The following ROCK1 variants were observed in gnomAD, a reference collection of about 807,000 sequenced individuals.
ROCK1 encodes rho-associated protein kinase 1.
ROCK1 carries 36 observed loss-of-function variants against 196.8 expected under a neutral mutation model. The ratio of observed to expected loss-of-function variants is 0.18; its 90% CI spans 0.14 to 0.24. The LOEUF (loss-of-function observed/expected upper bound fraction) is 0.24, where lower values mean the gene tolerates loss of function less well. Ranked by LOEUF, ROCK1 falls within the 10% of genes least tolerant of loss-of-function variation. The pLI is 1.00. For synonymous variants in ROCK1, 443 were observed against 515.9 expected, an observed-to-expected ratio of 0.86 and a Z score of 1.91; for missense variants, 920 against 1,562.0, an observed-to-expected ratio of 0.59 and a Z score of 6.93.
At chr18:20,951,837 G>A (rs1037890204) in intron 32 of ROCK1, among the ~76,000 whole-genome samples, 6 of 152,222 alleles carry the variant, frequency 3.9e-5, no homozygotes, top group Non-Finnish European at 8.8e-5. Context: ...CATTGGCAGC[G>A]AGGCAAATCA....
At chr18:20,964,559 T>C (rs1262487735) in intron 27 of ROCK1, among the ~76,000 whole-genome samples, 7 of 152,178 alleles carry the variant, frequency 4.6e-5, no homozygotes, top group Admixed American at 4.6e-4. Flanking sequence ...CTGTTGAGAT[T>C]TTATAAAGTC....
At chr18:21,092,320 G>A (rs1264847831) in intron 1 of ROCK1, among the ~76,000 whole-genome samples, 1 of 152,070 alleles carries the variant, frequency 6.6e-6, no homozygotes, top group African/African-American at 2.4e-5. Flanking sequence ...GCCAGGCACT[G>A]CTTGTAATCC....
chr18:20,970,628 C>T (rs1227649533), intron 22 of ROCK1, 115 bp from the exon 23 acceptor site: 2 of 696,748 alleles, frequency 2.9e-6, no homozygotes, highest in Non-Finnish European at 4.5e-6. Flanking sequence ...TATTTTATTG[C>T]TTAAAATAAA....
rs751539363 is a variant in ROCK1 at position 21,100,586 on chromosome 18, T to TA, written c.93+10231dup. On this transcript the variant is annotated intron_variant, in intron 1 of 32. Coordinates refer to ENST00000399799, the MANE Select transcript of ROCK1 (RefSeq NM_005406.3). The stretch of plus-strand genomic sequence containing the variant: ...TGTGTTTATAATGATGCCAAAAATT[T>TA]AAAAAAAAAAAAAAGACTGAGAGCG... Among the ~76,000 whole-genome samples, 146 of 139,638 alleles carry TA rather than the reference T, an allele frequency of 1.0e-3. 1 individual carries two copies. The highest frequency in any genetic ancestry group is 1.4e-3 in the East Asian group (7 of 4,912). 91.6% of individuals were successfully genotyped at this position (139,638 alleles called of 152,430 possible). A position where few individuals can be genotyped will look rare whatever the true frequency, so the allele number is the denominator to read the frequency against.
At chr18:21,097,675 A>G (rs1248585215) in intron 1 of ROCK1, among the ~76,000 whole-genome samples, 2 of 152,258 alleles carry the variant, frequency 1.3e-5, no homozygotes, top group South Asian at 2.1e-4. Context: ...AGGACAAATC[A>G]TAAGGATATA....
intron 21 of ROCK1, among the ~76,000 whole-genome samples, chr18:20,981,146 G>A (rs1198508417): frequency 1.3e-5 from 2 of 152,006 alleles, no homozygotes; most frequent in Admixed American, 6.6e-5. Context: ...TGTAATTCCA[G>A]CACTTTGGGA....
rs372788090 is a variant in ROCK1, at chr18:21,106,894, T to C, written c.93+3924A>G. Among the ~76,000 whole-genome samples, 8 of 152,342 alleles carry C rather than the reference T, an allele frequency of 5.3e-5. No individual in the cohort carries two copies. The South Asian group carries it at 1.4e-3, about 28-fold the overall frequency. On this transcript the variant is annotated intron_variant, in intron 1 of 32. Coordinates refer to ENST00000399799, the MANE Select transcript of ROCK1 (RefSeq NM_005406.3). ...AGCCACTTATCAGAGTTCTTCCAGC[T>C]ACATTATTCTAAACTACTGCAGGTT...
chr18:21,075,559 C>T (rs887559194), intron 1 of ROCK1, among the ~76,000 whole-genome samples: 1 of 152,116 alleles, frequency 6.6e-6, no homozygotes, highest in African/African-American at 2.4e-5. Context: ...TGAGAGCACA[C>T]TTAAATCCAT....
rs764387804 is a variant in ROCK1 at position 20,960,215 on chromosome 18, A to T, written c.3353-9T>A. On this transcript the variant is annotated splice_polypyrimidine_tract_variant and intron_variant, in intron 27 of 32. Transcript: ENST00000399799. The stretch of plus-strand genomic sequence containing the variant: ...ACCTTCAATTCTTGACTCTAGGAGA[A>T]AAAGAATATATGTATTAGTCAGTCT... 2 of 1,493,982 alleles carry T rather than the reference A, an allele frequency of 1.3e-6. No homozygotes were observed. Among genetic ancestry groups the T allele is most frequent in the South Asian group, 2.3e-5 (2 of 88,562 alleles). The allele number at this position is 1,493,982 out of a possible 1,614,324, so 92.5% of individuals were successfully genotyped here. A position where few individuals can be genotyped will look rare whatever the true frequency, so the allele number is the denominator to read the frequency against.
chr18:20,995,811 A>G (rs952451608), intron 16 of ROCK1, among the ~76,000 whole-genome samples: 1 of 152,206 alleles, frequency 6.6e-6, no homozygotes, highest in African/African-American at 2.4e-5. Flanking sequence ...TGGTTCCTCT[A>G]AGAGTCTGCA....
chr18:21,049,734 TTTTAA>T (rs775218775), intron 3 of ROCK1, 41 bp downstream of exon 3: 16 of 1,136,300 alleles, frequency 1.4e-5, no homozygotes, highest in Middle Eastern at 1.9e-4. Flanking sequence ...AAGTGGATTA[TTTTAA>T]TTTAATAAAG....
intron 13 of ROCK1, 25 bp from the exon 14 acceptor site, chr18:21,008,219 C>G: frequency 6.6e-7 from 1 of 1,522,376 alleles, no homozygotes; most frequent in South Asian, 1.2e-5. Context: ...ATAAAAGTTA[C>G]CACTGTGATT....
intron 10 of ROCK1, among the ~76,000 whole-genome samples, chr18:21,027,069 G>T (rs550897222): frequency 1.3e-4 from 19 of 151,770 alleles, no homozygotes; most frequent in African/African-American, 4.6e-4. Context: ...CTCCCAAGTA[G>T]CTGGGATTAC....
chr18:21,078,341 T>TACACAC lies in ROCK1; in HGVS notation c.94-7734_94-7729dup, dbSNP rs59499705. ...AAGACTCTATCTCAAAACACCCACCTACACACACACACACACACACACACA... is the reference window on the plus strand; with the variant it reads ...AAGACTCTATCTCAAAACACCCACCTACACACACACACACACACACACACACACACA... On this transcript the variant is annotated intron_variant, in intron 1 of 32. Coordinates refer to ENST00000399799, the MANE Select transcript of ROCK1 (RefSeq NM_005406.3). Among the ~76,000 whole-genome samples, 1,197 of 128,794 alleles carry TACACAC rather than the reference T, an allele frequency of 9.3e-3. 17 individuals carry two copies. The highest frequency in any genetic ancestry group is 0.032 in the African/African-American group (1,018 of 32,172). 84.5% of individuals were successfully genotyped at this position (128,794 alleles called of 152,430 possible). A position where few individuals can be genotyped will look rare whatever the true frequency, so the allele number is the denominator to read the frequency against.
intron 1 of ROCK1, among the ~76,000 whole-genome samples, chr18:21,087,644 C>T (rs113316621): frequency 9.9e-5 from 15 of 151,794 alleles, no homozygotes; most frequent in South Asian, 6.3e-4. Context: ...GAACCATGTA[C>T]GCTCAGAACA....
chr18:20,974,541 ATTAG>A (rs1446814701), intron 22 of ROCK1, among the ~76,000 whole-genome samples: 3 of 152,354 alleles, frequency 2.0e-5, no homozygotes, highest in East Asian at 3.9e-4. Flanking sequence ...GCAAGAAAGA[ATTAG>A]ATGGTTCAGG....
chr18:21,019,296 G>A (rs2035891840), intron 12 of ROCK1, among the ~76,000 whole-genome samples: 1 of 152,074 alleles, frequency 6.6e-6, no homozygotes, highest in African/African-American at 2.4e-5. Flanking sequence ...AGGGACTACA[G>A]GGGCACACCT....
chr18:21,046,618 C>T (rs1214845989), intron 4 of ROCK1, among the ~76,000 whole-genome samples: 3 of 151,848 alleles, frequency 2.0e-5, no homozygotes, highest in Non-Finnish European at 4.4e-5. Context: ...GTGAAATTAG[C>T]GAGGATATCA....
chr18:20,988,592 A>G (rs2035596860), intron 18 of ROCK1, among the ~76,000 whole-genome samples: 1 of 152,176 alleles, frequency 6.6e-6, no homozygotes, highest in South Asian at 2.1e-4. Context: ...AAATCTTAGA[A>G]TAAGAATACT....
Sources: gnomAD v4.1 joint callset for allele counts (sites outside exome capture counted in the v4.1 genomes callset) on GRCh38, gnomAD v4.1.1 for gene constraint, MANE v1.5 for transcripts, NCBI Gene and HGNC (gene_info 2026-07-23, HGNC 2026-07-21) for gene names.